Variants in DLC1 observed in about 807,000 individuals in gnomAD.
The protein encoded by DLC1 is DLC1 Rho GTPase activating protein.
DLC1 carries 54 observed loss-of-function variants against 140.3 expected under a neutral mutation model. The observed-to-expected ratio is 0.38, with a 90% CI of 0.31 to 0.48. The LOEUF is 0.48. Among genes scored for constraint, DLC1 ranks in the 20% least tolerant of loss-of-function variants. The pLI is 0.96. For missense variants in DLC1, 2,536 were observed against 1,907.0 expected (o/e 1.33, Z -6.14); for synonymous variants, 986 against 728.1 (o/e 1.35, Z -5.70).
At chr8:13,208,426 A>T (rs1349117070) in intron 5 of DLC1, among the ~76,000 whole-genome samples, 1 of 152,182 alleles carries the variant, frequency 6.6e-6, no homozygotes, top group East Asian at 1.9e-4. Flanking sequence ...ATGAAGAGAA[A>T]ACAATTTTTA....
chr8:13,099,395 G>A lies in DLC1; in HGVS notation c.2942C>T (p.Pro981Leu), dbSNP rs781401048. 7 of 1,613,936 alleles carry A rather than the reference G, an allele frequency of 4.3e-6. No individual in the cohort carries two copies. The African/African-American group carries it at 5.3e-5, about 12-fold the overall frequency. Residue 981 changes from proline to leucine, a missense_variant, in exon 9 of 18, where the codon CCG becomes CTG. Transcript: ENST00000276297. ...CCCAACCCCAGAATCCCTTCTTTCC[G>A]GGATCTCGGAGGGCTCTTCCGGTTC... ...LNEPEEPSEI[P>L]ERRDSGVGAS... is the part of the protein sequence containing the mutation.
intron 5 of DLC1, among the ~76,000 whole-genome samples, chr8:13,188,801 G>GTGTGTGTATATATATA (rs1293675412): frequency 1.4e-5 from 1 of 71,884 alleles, no homozygotes; most frequent in African/African-American, 6.6e-5. Context: ...GTGTGTGTGT[G>GTGTGTGTATATATATA]TATATATATA....
intron 4 of DLC1, among the ~76,000 whole-genome samples, chr8:13,362,959 C>G (rs966900198): frequency 6.6e-6 from 1 of 152,176 alleles, no homozygotes; most frequent in East Asian, 1.9e-4. Context: ...TCTGTTTTCT[C>G]GATTACATCT....
At chr8:13,569,643 A>C (rs979321154) in intron 1 of DLC1, among the ~76,000 whole-genome samples, 1 of 152,124 alleles carries the variant, frequency 6.6e-6, no homozygotes, top group Admixed American at 6.6e-5. Context: ...CTCAACCCCA[A>C]GCTATTTTTC....
chr8:13,395,464 C>A (rs75159737), intron 3 of DLC1, among the ~76,000 whole-genome samples: 5,167 of 152,176 alleles, frequency 0.034, 113 homozygotes, highest in South Asian at 0.076. Flanking sequence ...ATCTATGCAT[C>A]GCAAGAGTAA....
chr8:13,127,416 G>C (rs1018837364), intron 5 of DLC1, among the ~76,000 whole-genome samples: 1 of 152,150 alleles, frequency 6.6e-6, no homozygotes, highest in African/African-American at 2.4e-5. Flanking sequence ...GCCAAGTTCT[G>C]GAACTTCCCA....
chr8:13,134,007 C>A (rs1481568100), intron 5 of DLC1, among the ~76,000 whole-genome samples: 1 of 152,168 alleles, frequency 6.6e-6, no homozygotes, highest in African/African-American at 2.4e-5. Context: ...CTCAAACTGG[C>A]CCTTGGGCCA....
intron 5 of DLC1, among the ~76,000 whole-genome samples, chr8:13,141,344 A>T (rs1250431951): frequency 1.3e-5 from 2 of 150,856 alleles, no homozygotes; most frequent in Non-Finnish European, 3.0e-5. Flanking sequence ...AAATGTTTTG[A>T]CTTACATTTT....
At chr8:13,538,703 A>C (rs1803383057) in intron 1 of DLC1, among the ~76,000 whole-genome samples, 1 of 152,200 alleles carries the variant, frequency 6.6e-6, no homozygotes, top group African/African-American at 2.4e-5. Flanking sequence ...AAACAGATGG[A>C]CTTAATGTCA....
chr8:13,210,848 C>T (rs1294006070), intron 5 of DLC1, among the ~76,000 whole-genome samples: 2 of 152,210 alleles, frequency 1.3e-5, no homozygotes, highest in African/African-American at 4.8e-5. Flanking sequence ...TTTTAAGTCT[C>T]TTTCCCTGGT....
intron 5 of DLC1, among the ~76,000 whole-genome samples, chr8:13,170,949 A>T (rs1825434490): frequency 6.6e-6 from 1 of 152,198 alleles, no homozygotes; most frequent in Non-Finnish European, 1.5e-5. Flanking sequence ...AATCCTCAAG[A>T]GACCACTTTG....
At chr8:13,553,943 G>T (rs746288314) in intron 1 of DLC1, among the ~76,000 whole-genome samples, 16 of 152,072 alleles carry the variant, frequency 1.1e-4, no homozygotes, top group Admixed American at 6.6e-4. Flanking sequence ...TGCGCCCTTT[G>T]CTTGATCTTT....
chr8:13,092,329 C>T (rs1433465087), intron 13 of DLC1, among the ~76,000 whole-genome samples: 1 of 152,188 alleles, frequency 6.6e-6, no homozygotes, highest in Non-Finnish European at 1.5e-5. Flanking sequence ...AGGCCCCAGG[C>T]CTCTAGCTAA....
chr8:13,327,622 C>A (rs531723380), intron 4 of DLC1, among the ~76,000 whole-genome samples: 1 of 152,068 alleles, frequency 6.6e-6, no homozygotes, highest in African/African-American at 2.4e-5. Flanking sequence ...CCAGCTGAAA[C>A]CTATTTTCTG....
chr8:13,295,094 T>C (rs979333796), intron 5 of DLC1, among the ~76,000 whole-genome samples: 6 of 152,152 alleles, frequency 3.9e-5, no homozygotes, highest in Admixed American at 6.5e-5. Flanking sequence ...GGGGAAAATT[T>C]TGAGATAAAT....
intron 5 of DLC1, among the ~76,000 whole-genome samples, chr8:13,252,938 A>T (rs947661106): frequency 2.0e-5 from 3 of 152,216 alleles, no homozygotes; most frequent in African/African-American, 7.2e-5. Context: ...CAAGAAAGCT[A>T]ATCCTACCCT....
intron 4 of DLC1, among the ~76,000 whole-genome samples, chr8:13,383,105 GC>G (rs1836347879): frequency 6.6e-6 from 1 of 152,160 alleles, no homozygotes; most frequent in Non-Finnish European, 1.5e-5. Context: ...CATCTCACTT[GC>G]AAACACGGGG....
At chr8:13,358,177 C>T (rs1835038069) in intron 4 of DLC1, among the ~76,000 whole-genome samples, 1 of 152,180 alleles carries the variant, frequency 6.6e-6, no homozygotes, top group South Asian at 2.1e-4. Flanking sequence ...AGCTGTAAGT[C>T]AGAGATTCTT....
At chr8:13,571,042 C>A (rs2117413265) in intron 1 of DLC1, among the ~76,000 whole-genome samples, 1 of 152,296 alleles carries the variant, frequency 6.6e-6, no homozygotes, top group East Asian at 1.9e-4. Flanking sequence ...TTAACCAATA[C>A]AACTTTATTA....
Sources: allele counts gnomAD v4.1 joint callset (sites outside exome capture counted in the v4.1 genomes callset), GRCh38; gene constraint gnomAD v4.1.1; transcripts MANE v1.5; gene names NCBI Gene and HGNC (gene_info 2026-07-23, HGNC 2026-07-21).